The following PCDHA4 variants were observed in gnomAD, a reference collection of about 807,000 sequenced individuals.
PCDHA4 encodes protocadherin alpha-4.
Under a neutral mutation model 61.4 loss-of-function variants are expected in PCDHA4, and 49 were observed. The observed-to-expected ratio is 0.80, with a 90% CI of 0.63 to 1.01. PCDHA4 has a LOEUF of 1.01. Among genes scored for constraint, PCDHA4 ranks in the 50% least tolerant of loss-of-function variants. The pLI is 0.00. For synonymous variants in PCDHA4, 590 were observed against 550.3 expected, an observed-to-expected ratio of 1.07 and a Z score of -1.01; for missense variants, 1,254 against 1,235.8, an observed-to-expected ratio of 1.01 and a Z score of -0.22.
intron 1 of PCDHA4, chr5:140,817,417 A>T (rs1766134744): frequency 6.6e-6 from 1 of 152,228 alleles, no homozygotes; most frequent in South Asian, 2.1e-4. Context: ...TTGAGTTGGT[A>T]TACCTGTGGA....
intron 2 of PCDHA4, 148 bp from the exon 3 acceptor site, chr5:140,982,327 C>T: frequency 7.0e-7 from 1 of 1,419,146 alleles, no homozygotes; most frequent in Non-Finnish European, 9.4e-7. Context: ...AGGGTGACTG[C>T]TCAGCAGTAA....
At chr5:140,983,904 C>T (rs1227752084) in intron 3 of PCDHA4, among the ~76,000 whole-genome samples, 2 of 152,164 alleles carry the variant, frequency 1.3e-5, no homozygotes, top group African/African-American at 4.8e-5. Context: ...TTCGTTGATT[C>T]TAATCAGCCA....
At chr5:140,882,950 C>A in intron 1 of PCDHA4, 1 of 1,614,216 alleles carries the variant, frequency 6.2e-7, no homozygotes, top group Non-Finnish European at 8.5e-7. Context: ...CACAGTTCAG[C>A]TGCTCATCAC....
chr5:140,976,505 C>A (rs538128648), intron 1 of PCDHA4, among the ~76,000 whole-genome samples: 1 of 152,004 alleles, frequency 6.6e-6, no homozygotes, highest in Non-Finnish European at 1.5e-5. Flanking sequence ...GAGCCAAGAT[C>A]GCGCCACTGC....
chr5:140,936,780 T>C (rs2091148034), intron 1 of PCDHA4, among the ~76,000 whole-genome samples: 1 of 152,224 alleles, frequency 6.6e-6, no homozygotes, highest in Non-Finnish European at 1.5e-5. Flanking sequence ...TCTCTCACTT[T>C]GTTATTCTGC....
chr5:140,977,442 T>C (rs746141638), intron 1 of PCDHA4, among the ~76,000 whole-genome samples: 1 of 152,186 alleles, frequency 6.6e-6, no homozygotes. Flanking sequence ...TAGTAGATAA[T>C]GGAAACTCCT....
At chr5:140,883,283 G>C (rs782514861) in intron 1 of PCDHA4, 2 of 1,613,916 alleles carry the variant, frequency 1.2e-6, no homozygotes, top group Admixed American at 1.7e-5. Context: ...CCTTTTGGTG[G>C]AAGTACTAGA....
At chr5:140,904,199 C>A (rs2070936424) in intron 1 of PCDHA4, among the ~76,000 whole-genome samples, 1 of 151,944 alleles carries the variant, frequency 6.6e-6, no homozygotes, top group Non-Finnish European at 1.5e-5. Flanking sequence ...CCCTTTCCCC[C>A]TAAGTCCCCA....
chr5:140,870,927 T>G (rs782446287), intron 1 of PCDHA4: 1 of 1,613,880 alleles, frequency 6.2e-7, no homozygotes, highest in South Asian at 1.1e-5. Context: ...GGCTTTCATA[T>G]GAATTGCAGC....
rs2150255881 is a variant in PCDHA4, at chr5:140,836,226, G to T, written c.2385+26654G>T. 193 of 1,613,826 alleles carry T rather than the reference G, an allele frequency of 1.2e-4. 3 individuals carry two copies. The East Asian group carries it at 3.9e-3, about 32-fold the overall frequency. ...GCTTTCGTATGAGTTGCAACCGGTG[G>T]CGGCCGGTGCGAGCATCCCGTTCCG... On this transcript the variant is annotated intron_variant, in intron 1 of 3. Transcript: ENST00000530339.
chr5:140,887,023 A>T (rs561705710), intron 1 of PCDHA4, among the ~76,000 whole-genome samples: 3 of 152,050 alleles, frequency 2.0e-5, no homozygotes, highest in South Asian at 2.1e-4. Flanking sequence ...TGCCTGAAAA[A>T]TTTCTTTAAT....
intron 1 of PCDHA4, chr5:140,875,508 G>GC: frequency 6.2e-7 from 1 of 1,613,706 alleles, no homozygotes; most frequent in South Asian, 1.1e-5. Flanking sequence ...CGGGATCCCA[G>GC]CGTCTGCTGC....
At position 140,842,876 on chromosome 5, in the gene PCDHA4, G is replaced by C. The variant is rs78119592; in HGVS notation, c.2385+33304G>C. On this transcript the variant is annotated intron_variant, in intron 1 of 3. Coordinates refer to ENST00000530339, the MANE Select transcript of PCDHA4 (RefSeq NM_018907.4). ...GCACACGGAGAGCGGCAAGGTGTAC[G>C]CGCTGCAGCCGCTGGACCACGAGGA... The C allele has an allele frequency of 5.6e-6, 9 of 1,593,878 alleles. 1 individual carries two copies. Among genetic ancestry groups the C allele is most frequent in the Non-Finnish European group, 7.7e-6 (9 of 1,165,430 alleles).
chr5:140,880,168 T>A (rs1287992545), intron 1 of PCDHA4, among the ~76,000 whole-genome samples: 1 of 152,084 alleles, frequency 6.6e-6, no homozygotes, highest in East Asian at 1.9e-4. Flanking sequence ...ATGTTAGAAG[T>A]TAAACATGAA....
At chr5:140,824,245 C>T in intron 1 of PCDHA4, 1 of 1,462,164 alleles carries the variant, frequency 6.8e-7, no homozygotes, top group Admixed American at 1.7e-5. Flanking sequence ...TATTGTGGTA[C>T]ACAATTATTG....
intron 1 of PCDHA4, chr5:140,967,145 A>C: frequency 1.2e-6 from 2 of 1,610,892 alleles, no homozygotes; most frequent in Non-Finnish European, 8.5e-7. Context: ...GCTGGCGCAC[A>C]ACCCCGTGGC....
intron 1 of PCDHA4, chr5:140,824,162 C>A (rs2150132827): frequency 6.0e-5 from 97 of 1,611,100 alleles, no homozygotes; most frequent in Non-Finnish European, 3.5e-5. Context: ...ATCTTTCCCT[C>A]CCAATTTTCA....
chr5:140,946,631 T>TATATATATATATATATATAC lies in PCDHA4; in HGVS notation c.2386-32317_2386-32316insTATATATATATATATATACA, dbSNP rs57893927. ...TGTGAAATATATATATATATATATA[T>TATATATATATATATATATAC]ACAATGGAATACTCATCAGCCATTA... On this transcript the variant is annotated intron_variant, in intron 1 of 3. Transcript: ENST00000530339. Among the ~76,000 whole-genome samples, 543 of 131,742 alleles carry TATATATATATATATATATAC rather than the reference T, an allele frequency of 4.1e-3. 35 individuals are homozygous for TATATATATATATATATATAC. Among genetic ancestry groups the TATATATATATATATATATAC allele is most frequent in the African/African-American group, 0.018 (501 of 28,614 alleles). The allele number at this position is 131,742 out of a possible 152,430, so 86.4% of individuals were successfully genotyped here.
At chr5:140,919,355 A>C (rs2079096245) in intron 1 of PCDHA4, among the ~76,000 whole-genome samples, 1 of 152,174 alleles carries the variant, frequency 6.6e-6, no homozygotes, top group South Asian at 2.1e-4. Flanking sequence ...TTGAATCTAA[A>C]AGTGTCTCCT....
Sources: allele counts gnomAD v4.1 joint callset (sites outside exome capture counted in the v4.1 genomes callset), GRCh38; gene constraint gnomAD v4.1.1; transcripts MANE v1.5; gene names NCBI Gene and HGNC (gene_info 2026-07-23, HGNC 2026-07-21).